Variants in CMSS1 observed in about 807,000 individuals in gnomAD.
CMSS1 encodes the protein protein CMSS1.
CMSS1 carries 33 observed loss-of-function variants against 43.5 expected under a neutral mutation model. That is an observed-to-expected ratio of 0.76 (90% CI 0.57 to 1.01). The LOEUF (loss-of-function observed/expected upper bound fraction) is 1.01. Among genes scored for constraint, CMSS1 ranks in the 50% least tolerant of loss-of-function variants. The pLI is 0.00. For synonymous variants in CMSS1, 115 were observed against 117.2 expected (o/e 0.98, Z 0.12); for missense variants, 313 against 326.4 (o/e 0.96, Z 0.32).
chr3:100,080,519 A>G (rs1398733747), intron 1 of CMSS1, among the ~76,000 whole-genome samples: 1 of 152,168 alleles, frequency 6.6e-6, no homozygotes, highest in African/African-American at 2.4e-5. Flanking sequence ...TACCTGGGGC[A>G]ATGCAGATAT....
intron 1 of CMSS1, among the ~76,000 whole-genome samples, chr3:99,916,179 C>A (rs1481619377): frequency 2.6e-5 from 4 of 152,078 alleles, no homozygotes; most frequent in Non-Finnish European, 5.9e-5. Context: ...CTGTTGAGAG[C>A]CAGAATGGAA....
chr3:99,886,905 G>A (rs544767118), intron 1 of CMSS1, among the ~76,000 whole-genome samples: 1 of 151,612 alleles, frequency 6.6e-6, no homozygotes, highest in Non-Finnish European at 1.5e-5. Context: ...GGGAGGCAGA[G>A]GTTGTAGTGA....
chr3:100,149,288 G>A (rs2066881952), intron 2 of CMSS1, among the ~76,000 whole-genome samples: 1 of 152,314 alleles, frequency 6.6e-6, no homozygotes, highest in African/African-American at 2.4e-5. Context: ...CAGAGGCTCA[G>A]AGAGATGGGT....
chr3:100,133,756 T>C (rs974970467), intron 1 of CMSS1, among the ~76,000 whole-genome samples: 4 of 152,174 alleles, frequency 2.6e-5, no homozygotes, highest in Non-Finnish European at 4.4e-5. Context: ...AGTCAGTTGA[T>C]AGGCTAATTC....
At chr3:100,075,353 C>T (rs972388265) in intron 1 of CMSS1, among the ~76,000 whole-genome samples, 1 of 152,196 alleles carries the variant, frequency 6.6e-6, no homozygotes, top group Non-Finnish European at 1.5e-5. Context: ...TTCTCATCCT[C>T]GTGTCCTTTA....
intron 2 of CMSS1, among the ~76,000 whole-genome samples, chr3:100,149,586 C>T (rs1302432983): frequency 6.6e-6 from 1 of 152,186 alleles, no homozygotes; most frequent in Non-Finnish European, 1.5e-5. Context: ...TTCTCCAACC[C>T]TATCCTAATT....
intron 1 of CMSS1, among the ~76,000 whole-genome samples, chr3:99,844,751 C>T (rs922565550): frequency 2.6e-5 from 4 of 152,124 alleles, no homozygotes; most frequent in Non-Finnish European, 4.4e-5. Flanking sequence ...CTGAAATCCC[C>T]GTTTGGATCG....
rs535203377 is a variant in CMSS1 at position 100,181,178 on chromosome 3, G to C, written c.*2790G>C. On this transcript the variant is annotated 3_prime_UTR_variant, in exon 10 of 10. Transcript: ENST00000421999. ...AATTACAATTCGACATGAAACTTGGGTGGGGACACAGCCAAACCACATCAG... is the reference window on the plus strand; with the variant it reads ...AATTACAATTCGACATGAAACTTGGCTGGGGACACAGCCAAACCACATCAG... 9 of 152,330 alleles carry C rather than the reference G, an allele frequency of 5.9e-5. No homozygotes were observed. Among genetic ancestry groups the C allele is most frequent in the African/African-American group, 2.2e-4 (9 of 41,574 alleles). The allele number at this position is 152,330 out of a possible 1,614,324, so 9.4% of individuals were successfully genotyped here. A position where few individuals can be genotyped will look rare whatever the true frequency, so the allele number is the denominator to read the frequency against.
At chr3:100,085,176 T>A (rs550864634) in intron 1 of CMSS1, among the ~76,000 whole-genome samples, 5 of 152,330 alleles carry the variant, frequency 3.3e-5, no homozygotes, top group African/African-American at 1.2e-4. Context: ...TATGGAATTG[T>A]TTTAAAAGTA....
intron 1 of CMSS1, among the ~76,000 whole-genome samples, chr3:99,821,946 T>C (rs1267477502): frequency 1.3e-5 from 2 of 152,040 alleles, no homozygotes; most frequent in Non-Finnish European, 2.9e-5. Context: ...CTCAGGAGGC[T>C]GAGGCAGGAG....
At chr3:99,920,692 CTTACTGA>C in intron 1 of CMSS1, among the ~76,000 whole-genome samples, 1 of 152,274 alleles carries the variant, frequency 6.6e-6, no homozygotes, top group African/African-American at 2.4e-5. Flanking sequence ...AAGCCAATTG[CTTACTGA>C]TTACGACAGC....
intron 1 of CMSS1, among the ~76,000 whole-genome samples, chr3:99,997,778 G>A (rs1008465054): frequency 6.6e-6 from 1 of 152,140 alleles, no homozygotes; most frequent in African/African-American, 2.4e-5. Context: ...AATAAGAATA[G>A]CATGAGGTAA....
At chr3:100,120,262 G>A (rs9860290) in intron 1 of CMSS1, among the ~76,000 whole-genome samples, 24,829 of 152,130 alleles carry the variant, frequency 0.16, 2,371 homozygotes, top group South Asian at 0.21. Context: ...AGCTATCATC[G>A]TTCAGTAGCC....
At chr3:100,156,044 A>G (rs982656585) in intron 2 of CMSS1, among the ~76,000 whole-genome samples, 1 of 152,084 alleles carries the variant, frequency 6.6e-6, no homozygotes, top group Non-Finnish European at 1.5e-5. Context: ...TTTATGTTCT[A>G]GAAAGTTTCC....
At chr3:99,858,937 C>G (rs1256112244) in intron 1 of CMSS1, among the ~76,000 whole-genome samples, 2 of 152,240 alleles carry the variant, frequency 1.3e-5, no homozygotes, top group Non-Finnish European at 2.9e-5. Flanking sequence ...TCCCCCAATT[C>G]ACTGGCTTAG....
chr3:99,924,381 C>CT lies in CMSS1; in HGVS notation c.64+106341dup, dbSNP rs1272193589. 3.1e-6 allele frequency: 5 copies of CT among 1,613,908 alleles called. No individual in the cohort carries two copies. The African/African-American group carries it at 6.7e-5, about 22-fold the overall frequency. ...TGTCCCAGGATTCGTCTGTAAGATT[C>CT]TTTATGTTTTTCCACAACTTTGTCC... On this transcript the variant is annotated intron_variant, in intron 1 of 9. Coordinates refer to ENST00000421999, the MANE Select transcript of CMSS1 (RefSeq NM_032359.4).
intron 2 of CMSS1, among the ~76,000 whole-genome samples, chr3:100,157,556 A>G (rs2066986457): frequency 1.3e-5 from 2 of 152,186 alleles, no homozygotes; most frequent in South Asian, 4.1e-4. Flanking sequence ...GGAACTCCCA[A>G]ACGTCACTCT....
At chr3:99,954,398 C>A (rs1708261596) in intron 1 of CMSS1, among the ~76,000 whole-genome samples, 1 of 152,146 alleles carries the variant, frequency 6.6e-6, no homozygotes, top group African/African-American at 2.4e-5. Flanking sequence ...CATAATGGCT[C>A]CCAGTTTAAC....
intron 1 of CMSS1, among the ~76,000 whole-genome samples, chr3:99,968,296 G>C (rs1708712846): frequency 6.6e-6 from 1 of 152,126 alleles, no homozygotes; most frequent in East Asian, 1.9e-4. Context: ...AGAAAGTTTG[G>C]TCTTATTGTA....
Sources: allele counts gnomAD v4.1 joint callset (sites outside exome capture counted in the v4.1 genomes callset), GRCh38; gene constraint gnomAD v4.1.1; transcripts MANE v1.5; gene names NCBI Gene and HGNC (gene_info 2026-07-23, HGNC 2026-07-21).